PRRX2: variants seen among roughly 807,000 people sequenced by gnomAD.
The protein encoded by PRRX2 is paired mesoderm homeobox protein 2.
In PRRX2, 11 loss-of-function variants were observed where a neutral mutation model predicts 18.0. That is an observed-to-expected ratio of 0.61 (90% CI 0.39 to 1.01). The LOEUF (loss-of-function observed/expected upper bound fraction) is 1.01. Among genes scored for constraint, PRRX2 ranks in the 50% least tolerant of loss-of-function variants. The pLI is 0.01. For synonymous variants in PRRX2, 177 were observed against 154.8 expected (o/e 1.14, Z -1.06); for missense variants, 387 against 351.0 (o/e 1.10, Z -0.82).
intron 1 of PRRX2, among the ~76,000 whole-genome samples, chr9:129,681,408 T>C (rs1326854779): frequency 1.3e-5 from 2 of 152,112 alleles, no homozygotes; most frequent in African/African-American, 2.4e-5. Flanking sequence ...TACTCCCAGC[T>C]ACTCGGGAGG....
Position 129,715,602 on chromosome 9 carries a change from AAG to A in PRRX2, c.260-3627_260-3626del, listed in dbSNP as rs953763690. Among the ~76,000 whole-genome samples the A allele has an allele frequency of 1.3e-5, 2 of 152,010 alleles. No homozygotes were observed. Among genetic ancestry groups the A allele is most frequent in the African/African-American group, 4.8e-5 (2 of 41,330 alleles). On this transcript the variant is annotated intron_variant, in intron 1 of 3. Coordinates refer to ENST00000372469, the MANE Select transcript of PRRX2 (RefSeq NM_016307.4). This position sits in a 1 kb window ranked among gnomAD's most constrained non-coding sequence, Gnocchi z 4.0. ...TGAGACCCTGTCTCAAAAAATAAAA[AAG>A]ATATTTAGCAGCACTCCTGGCCTCT...
At chr9:129,701,632 A>G (rs1007886244) in intron 1 of PRRX2, among the ~76,000 whole-genome samples, 7 of 152,264 alleles carry the variant, frequency 4.6e-5, no homozygotes, top group African/African-American at 1.4e-4. Context: ...GGTGTGTCTG[A>G]TCACAATCCT....
intron 1 of PRRX2, among the ~76,000 whole-genome samples, chr9:129,673,011 C>A (rs990558482): frequency 6.6e-6 from 1 of 152,184 alleles, no homozygotes; most frequent in Non-Finnish European, 1.5e-5. Flanking sequence ...GTTTTCAAGT[C>A]CAGTTAAATT....
chr9:129,693,586 G>A (rs1424228737), intron 1 of PRRX2, among the ~76,000 whole-genome samples: 1 of 137,830 alleles, frequency 7.3e-6, no homozygotes, highest in Non-Finnish European at 1.5e-5. Flanking sequence ...CGACAAGAGC[G>A]AAACTCTGTC....
At chr9:129,683,903 C>T (rs564107248) in intron 1 of PRRX2, among the ~76,000 whole-genome samples, 2 of 152,308 alleles carry the variant, frequency 1.3e-5, no homozygotes, top group Admixed American at 6.5e-5. Context: ...GATCAGACTT[C>T]AGAGCCCTCC....
intron 1 of PRRX2, among the ~76,000 whole-genome samples, chr9:129,708,908 G>T (rs537281403): frequency 6.6e-6 from 1 of 152,210 alleles, no homozygotes; most frequent in Non-Finnish European, 1.5e-5. Context: ...GGCCCTGCCC[G>T]TCTGGATCTT....
chr9:129,677,699 A>C (rs1374214077), intron 1 of PRRX2, among the ~76,000 whole-genome samples: 1 of 152,242 alleles, frequency 6.6e-6, no homozygotes, highest in Non-Finnish European at 1.5e-5. Context: ...TCCTAGAGAC[A>C]TCATGTTTTA....
intron 1 of PRRX2, among the ~76,000 whole-genome samples, chr9:129,700,052 C>T (rs1422661412): frequency 6.6e-6 from 1 of 152,230 alleles, no homozygotes; most frequent in Admixed American, 6.5e-5. Flanking sequence ...ACGCACCTAA[C>T]TCCAGATAAA....
intron 2 of PRRX2, among the ~76,000 whole-genome samples, chr9:129,720,125 GCTCAGCAAGCGCCTCTCCCCGCGAGTC>G (rs764800908): frequency 1.4e-4 from 22 of 151,862 alleles, no homozygotes; most frequent in South Asian, 1.0e-3. Context: ...TGAGCCGAGT[GCTCAGCAAGCGCCTCTCCCCGCGAGTC>G]CTCAGCAAGC....
chr9:129,684,460 C>CACACACACACATA (rs1415884580), intron 1 of PRRX2, among the ~76,000 whole-genome samples: 2 of 125,098 alleles, frequency 1.6e-5, no homozygotes, highest in African/African-American at 6.3e-5. Context: ...ACACACACAC[C>CACACACACACATA]CAACAGAAAA....
At chr9:129,721,754 T>C (rs2130939074) in intron 3 of PRRX2, among the ~76,000 whole-genome samples, 1 of 152,252 alleles carries the variant, frequency 6.6e-6, no homozygotes, top group African/African-American at 2.4e-5. Context: ...TAATTGTTTG[T>C]ATTTTTAGTA....
chr9:129,693,527 G>A (rs997847291), intron 1 of PRRX2, among the ~76,000 whole-genome samples: 23 of 151,866 alleles, frequency 1.5e-4, no homozygotes, highest in Middle Eastern at 3.4e-3. Flanking sequence ...CCAGGAGGCA[G>A]AGGTTGCAGT....
intron 1 of PRRX2, among the ~76,000 whole-genome samples, chr9:129,711,328 C>A (rs548868234): frequency 6.6e-6 from 1 of 151,950 alleles, no homozygotes; most frequent in South Asian, 2.1e-4. Context: ...AACTAGGAGC[C>A]AGCCGTGTTG....
intron 1 of PRRX2, among the ~76,000 whole-genome samples, chr9:129,702,998 G>A (rs960939116): frequency 2.0e-5 from 3 of 152,360 alleles, no homozygotes; most frequent in Admixed American, 6.5e-5. Context: ...GCATGTCGTG[G>A]GGACCACAGG....
At chr9:129,710,445 C>T (rs954096837) in intron 1 of PRRX2, among the ~76,000 whole-genome samples, 1 of 152,176 alleles carries the variant, frequency 6.6e-6, no homozygotes, top group African/African-American at 2.4e-5. Flanking sequence ...TGATTGAAAG[C>T]TAGCTTGGCC....
intron 1 of PRRX2, among the ~76,000 whole-genome samples, chr9:129,693,346 C>G (rs1699859954): frequency 6.6e-6 from 1 of 152,168 alleles, no homozygotes; most frequent in Non-Finnish European, 1.5e-5. Context: ...GTAATCTTAG[C>G]ACTTTGGGAG....
chr9:129,685,776 A>T (rs1832293104), intron 1 of PRRX2, among the ~76,000 whole-genome samples: 1 of 152,226 alleles, frequency 6.6e-6, no homozygotes, highest in Admixed American at 6.5e-5. Context: ...TTTGTGAGTC[A>T]TTCATTCATT....
intron 3 of PRRX2, among the ~76,000 whole-genome samples, chr9:129,721,662 C>A (rs1404773903): frequency 1.3e-5 from 2 of 152,240 alleles, no homozygotes; most frequent in South Asian, 2.1e-4. Flanking sequence ...TCACTGCAAC[C>A]TCCGCCTCCC....
chr9:129,678,325 T>G (rs1470853267), intron 1 of PRRX2, among the ~76,000 whole-genome samples: 2 of 152,070 alleles, frequency 1.3e-5, no homozygotes, highest in Non-Finnish European at 2.9e-5. Flanking sequence ...CAGGGAGGCC[T>G]TCTGTGAATG....
Sources: allele counts gnomAD v4.1 joint callset (sites outside exome capture counted in the v4.1 genomes callset), GRCh38; gene constraint gnomAD v4.1.1; non-coding constraint Gnocchi (gnomAD v3.1); transcripts MANE v1.5; gene names NCBI Gene and HGNC (gene_info 2026-07-23, HGNC 2026-07-21).